CEP120: variants seen among roughly 807,000 people sequenced by gnomAD.
The protein encoded by CEP120 is centrosomal protein of 120 kDa.
Under a neutral mutation model 126.5 loss-of-function variants are expected in CEP120, and 113 were observed. That is an observed-to-expected ratio of 0.89 (90% CI 0.77 to 1.04). The LOEUF is 1.04. CEP120 is among the 50% of genes least tolerant of loss of function. The probability of loss-of-function intolerance (pLI) is 0.00; values close to 1 mark genes in which losing one functional copy is unlikely to be tolerated. For synonymous variants in CEP120, 400 were observed against 394.3 expected (o/e 1.01, Z -0.17); for missense variants, 1,230 against 1,155.7 (o/e 1.06, Z -0.93).
At chr5:123,364,695 T>C in intron 17 of CEP120, 101 bp from the exon 18 acceptor site, 1 of 545,232 alleles carries the variant, frequency 1.8e-6, no homozygotes, top group Non-Finnish European at 3.1e-6. Context: ...AAAGAGTTTA[T>C]ACAGTGTAAC....
chr5:123,374,889 C>A (rs777785773), intron 16 of CEP120, among the ~76,000 whole-genome samples: 54 of 152,100 alleles, frequency 3.6e-4, no homozygotes, highest in Non-Finnish European at 7.4e-4. Context: ...AAGCAGTAAG[C>A]TATTAAGGCA....
chr5:123,422,343 GAC>G (rs1774770676), intron 1 of CEP120: 4 of 638,266 alleles, frequency 6.3e-6, no homozygotes, highest in Admixed American at 5.5e-5. Context: ...ATTATTTGCT[GAC>G]ACACTCTCCT....
chr5:123,362,730 C>T (rs976845148), intron 18 of CEP120, among the ~76,000 whole-genome samples: 15 of 151,658 alleles, frequency 9.9e-5, no homozygotes, highest in South Asian at 6.2e-4. Flanking sequence ...TTTCTCTTTC[C>T]TAAACATAAG....
At chr5:123,356,749 T>C (rs958918291) in intron 18 of CEP120, among the ~76,000 whole-genome samples, 6 of 152,146 alleles carry the variant, frequency 3.9e-5, no homozygotes, top group Non-Finnish European at 5.9e-5. Flanking sequence ...ACTTTAAACA[T>C]TTCACTCTCT....
Position 123,347,497 on chromosome 5 carries a change from G to A in CEP120, c.2727-744C>T, listed in dbSNP as rs528629145. Among the ~76,000 whole-genome samples, 3 of 152,228 alleles carry A rather than the reference G, an allele frequency of 2.0e-5. No individual in the cohort carries two copies. The South Asian group carries it at 6.2e-4, about 32-fold the overall frequency. On this transcript the variant is annotated intron_variant, in intron 19 of 19. Coordinates refer to ENST00000306467, the MANE Select transcript of CEP120 (RefSeq NM_001375405.1). ...GTTCAAAGGGCATATGCATGTTAAG[G>A]TTTTGTATGGATATCTTCAAGTTAT...
At chr5:123,379,686 G>C (rs531413923) in intron 14 of CEP120, among the ~76,000 whole-genome samples, 1 of 151,796 alleles carries the variant, frequency 6.6e-6, no homozygotes, top group East Asian at 1.9e-4. Flanking sequence ...GGATTTACGA[G>C]ATCATTTATT....
At chr5:123,397,536 C>T (rs892891795) in intron 5 of CEP120, among the ~76,000 whole-genome samples, 8 of 151,974 alleles carry the variant, frequency 5.3e-5, no homozygotes, top group African/African-American at 1.5e-4. Flanking sequence ...AAGAAAAATA[C>T]GGAAACTGAT....
At chr5:123,417,169 C>G (rs143363380) in intron 2 of CEP120, among the ~76,000 whole-genome samples, 3 of 152,294 alleles carry the variant, frequency 2.0e-5, no homozygotes, top group Non-Finnish European at 4.4e-5. Context: ...CAGCTCATAG[C>G]AGGACTCCAT....
chr5:123,350,182 C>A, intron 18 of CEP120, 93 bp from the exon 19 acceptor site: 3 of 1,156,434 alleles, frequency 2.6e-6, no homozygotes, highest in Non-Finnish European at 3.7e-6. Context: ...TATTTGACAA[C>A]ACCCATGATA....
intron 18 of CEP120, among the ~76,000 whole-genome samples, chr5:123,359,772 A>G (rs1227619134): frequency 6.6e-6 from 1 of 151,932 alleles, no homozygotes; most frequent in African/African-American, 2.4e-5. Flanking sequence ...AAAAGAAAAG[A>G]TTTTTTTCTA....
intron 17 of CEP120, among the ~76,000 whole-genome samples, chr5:123,365,164 C>T (rs1000959299): frequency 1.3e-5 from 2 of 151,496 alleles, no homozygotes; most frequent in Non-Finnish European, 3.0e-5. Flanking sequence ...TAACATAAAG[C>T]CAAGAGTAAG....
At chr5:123,422,555 A>C (rs761608358) in intron 1 of CEP120, 7 of 1,535,218 alleles carry the variant, frequency 4.6e-6, no homozygotes, top group Non-Finnish European at 6.1e-6. Context: ...CCTCCGGAAC[A>C]CTTCTGGAAT....
intron 4 of CEP120, chr5:123,402,098 G>C: frequency 1.9e-6 from 3 of 1,572,968 alleles, no homozygotes; most frequent in Non-Finnish European, 2.6e-6. Context: ...CCTGGATGTC[G>C]GGGTCCACCT....
rs1184934483 is a variant in CEP120 at position 123,346,534 on chromosome 5, GCTTTTTGCCAAAATCTCT to G, written c.2928_2945del (p.Arg976_Lys981del). The G allele has an allele frequency of 1.9e-6, 3 of 1,610,224 alleles. No homozygotes were observed. Among genetic ancestry groups the G allele is most frequent in the Non-Finnish European group, 2.5e-6 (3 of 1,178,632 alleles). Reference sequence around the variant, plus strand: ...CCAAATGTTATTAATTACTGGCATTGCTTTTTGCCAAAATCTCTCTGATCTGTCGGTCGAGTTCACTTA... The same window carrying G: ...CCAAATGTTATTAATTACTGGCATTGCTGATCTGTCGGTCGAGTTCACTTA... On this transcript the variant is annotated inframe_deletion, in exon 20 of 20. Coordinates refer to ENST00000306467, the MANE Select transcript of CEP120 (RefSeq NM_001375405.1).
chr5:123,353,521 T>TAAG (rs3064333), intron 18 of CEP120, among the ~76,000 whole-genome samples: 107,682 of 150,834 alleles, frequency 0.71, 38,555 homozygotes, highest in African/African-American at 0.75. Context: ...AAAAAAAAAG[T>TAAG]AAGCATTTTT....
chr5:123,357,749 T>C (rs1769748574), intron 18 of CEP120, among the ~76,000 whole-genome samples: 1 of 152,034 alleles, frequency 6.6e-6, no homozygotes, highest in Non-Finnish European at 1.5e-5. Context: ...CAGACCTTGT[T>C]TGAAAAGCAA....
At chr5:123,378,546 G>C in intron 14 of CEP120, 118 bp from the exon 15 acceptor site, 1 of 509,944 alleles carries the variant, frequency 2.0e-6, no homozygotes, top group Non-Finnish European at 3.3e-6. Context: ...GAATAGGAAA[G>C]TCACAAATTA....
intron 18 of CEP120, 98 bp from the exon 19 acceptor site, chr5:123,350,187 A>C: frequency 2.8e-6 from 3 of 1,075,226 alleles, no homozygotes; most frequent in Non-Finnish European, 4.0e-6. Flanking sequence ...GACAACACCC[A>C]TGATATAGCC....
Position 123,401,206 on chromosome 5 carries a change from C to T in CEP120, c.464-1922G>A, listed in dbSNP as rs116367723. The T allele has an allele frequency of 4.9e-3, 7,890 of 1,612,706 alleles. 305 individuals carry two copies. In the African/African-American group the frequency reaches 0.09, roughly 18 times the overall value. On this transcript the variant is annotated intron_variant, in intron 4 of 19. Coordinates refer to ENST00000306467, the MANE Select transcript of CEP120 (RefSeq NM_001375405.1). Reference sequence around the variant, plus strand: ...ATCTCGATGTCCAGGGCCAGCCTGACGTTCATCAGCTCCTGGTACTCACGC... The same window carrying T: ...ATCTCGATGTCCAGGGCCAGCCTGATGTTCATCAGCTCCTGGTACTCACGC...
Sources: gnomAD v4.1 joint callset for allele counts (sites outside exome capture counted in the v4.1 genomes callset) on GRCh38, gnomAD v4.1.1 for gene constraint, MANE v1.5 for transcripts, NCBI Gene and HGNC (gene_info 2026-07-23, HGNC 2026-07-21) for gene names.